NAGK: variants seen among roughly 807,000 people sequenced by gnomAD.
The protein encoded by NAGK is N-acetylglucosamine kinase.
A neutral mutation model predicts 42.9 loss-of-function variants in NAGK; 35 were observed. The observed-to-expected ratio is 0.82, with a 90% CI of 0.62 to 1.08. NAGK has a LOEUF of 1.08. Among genes scored for constraint, NAGK ranks in the 50% least tolerant of loss-of-function variants. The pLI is 0.00. For synonymous variants in NAGK, 172 were observed against 176.0 expected, an observed-to-expected ratio of 0.98 and a Z score of 0.18; for missense variants, 446 against 446.0, an observed-to-expected ratio of 1.00 and a Z score of 0.00.
chr2:71,073,744 G>A (rs1028150575), intron 6 of NAGK, 150 bp downstream of exon 6: 1 of 723,270 alleles, frequency 1.4e-6, no homozygotes, highest in African/African-American at 1.7e-5. Context: ...CATAGGTGAG[G>A]ACAGGGTGCA....
In NAGK at chr2:71,077,656, G is replaced by C; in HGVS notation, c.844+20G>C. 1 of 1,592,058 alleles carries C rather than the reference G, an allele frequency of 6.3e-7. No homozygotes were observed. On this transcript the variant is annotated intron_variant, in intron 9 of 9. Coordinates refer to ENST00000244204, the MANE Select transcript of NAGK (RefSeq NM_017567.6). The stretch of plus-strand genomic sequence containing the variant: ...AGGAAGGTGAGCCTGGGGGGAGGCT[G>C]GAAGGGCAAGGGCAGGGGACGGGGC...
At chr2:71,068,504 G>A, upstream of NAGK, 1 of 1,431,976 alleles carries the variant, frequency 7.0e-7, no homozygotes, top group Non-Finnish European at 9.1e-7. Flanking sequence ...CAGCCTGAGG[G>A]ACGCAGCCAT....
chr2:71,073,753 C>T lies in NAGK; in HGVS notation c.579+159C>T, dbSNP rs72903531. Among the ~76,000 whole-genome samples, 171 of 152,124 alleles carry T rather than the reference C, an allele frequency of 1.1e-3. 1 individual carries two copies. Among genetic ancestry groups the T allele is most frequent in the African/African-American group, 4.0e-3 (165 of 41,486 alleles). On this transcript the variant is annotated intron_variant, in intron 6 of 9. Coordinates refer to ENST00000244204, the MANE Select transcript of NAGK (RefSeq NM_017567.6). ...TGAAGTCATAGGTGAGGACAGGGTG[C>T]ATTCTAGGAGGTGCATTCTAGGACA...
At chr2:71,068,538 C>A, upstream of NAGK, 1 of 1,470,344 alleles carries the variant, frequency 6.8e-7, no homozygotes, top group Non-Finnish European at 9.0e-7. Context: ...CGGCGCCCCG[C>A]CCCGCGCATG....
At chr2:71,072,332 G>A (rs536020855) in intron 4 of NAGK, 37 of 402,400 alleles carry the variant, frequency 9.2e-5, no homozygotes, top group South Asian at 6.1e-4. Flanking sequence ...AACGGGTCTA[G>A]CACAATCCCA....
Position 71,075,654 on chromosome 2 carries a change from G to A in NAGK, c.667+12G>A. The A allele has an allele frequency of 1.9e-6, 3 of 1,605,284 alleles. No individual in the cohort carries two copies. The highest frequency in any genetic ancestry group is 1.1e-5 in the South Asian group (1 of 90,868). ...GAAAATTGCAGAAGGTACTGGAGGT[G>A]GGGGGTGGGTTTTATCTGGCTTTGT... On this transcript the variant is annotated intron_variant, in intron 7 of 9. Transcript: ENST00000244204.
chr2:71,076,405 T>C (rs1672211464), intron 7 of NAGK, 199 bp from the exon 8 acceptor site: 3 of 530,434 alleles, frequency 5.7e-6, no homozygotes, highest in African/African-American at 1.9e-5. Context: ...AGGGCACCCC[T>C]CTACAGAGGG....
At position 71,071,751 on chromosome 2, in the gene NAGK, C is replaced by A; in HGVS notation, c.279C>A (p.Asp93Glu). The A allele has an allele frequency of 6.2e-7, 1 of 1,614,156 alleles. No homozygotes were observed. Among genetic ancestry groups the A allele is most frequent in the Non-Finnish European group, 8.5e-7 (1 of 1,180,034 alleles). Residue 93 changes from aspartate to glutamate, a missense_variant, in exon 4 of 10, where the codon GAC (aspartate) becomes GAA (glutamate). By Grantham distance (45) the Asp-to-Glu change is conservative (BLOSUM62 2). Transcript: ENST00000244204. ...GGATCCTGATCGAGGAGCTGAGGGA[C>A]CGATTTCCCTACCTGAGTGAAAGCT... is the stretch of plus-strand genomic sequence containing the variant. ...AGRILIEELR[D>E]RFPYLSESYL...
intron 1 of NAGK, chr2:71,070,196 A>G (rs1671946234): frequency 6.2e-6 from 2 of 320,838 alleles, no homozygotes; most frequent in Non-Finnish European, 1.2e-5. Context: ...TGAAGGTTTA[A>G]CTAACGGAGA....
At chr2:71,075,356 A>G (rs1672168393) in intron 6 of NAGK, 199 bp from the exon 7 acceptor site, 2 of 553,268 alleles carry the variant, frequency 3.6e-6, no homozygotes, top group East Asian at 2.8e-5. Flanking sequence ...AAACTAATCT[A>G]TAAGAAATAA....
chr2:71,073,136 T>C, intron 5 of NAGK: 1 of 459,260 alleles, frequency 2.2e-6, no homozygotes, highest in Non-Finnish European at 4.0e-6. Flanking sequence ...AGGTAGTGTG[T>C]GTTTATTTTC....
chr2:71,068,544 G>A (rs1263922205), upstream of NAGK: 28 of 1,473,614 alleles, frequency 1.9e-5, no homozygotes, highest in Non-Finnish European at 2.4e-5. Flanking sequence ...CCCGCCCCGC[G>A]CATGCGCACG....
At chr2:71,068,546 A>G (rs1221487919), upstream of NAGK, 5 of 1,475,644 alleles carry the variant, frequency 3.4e-6, no homozygotes, top group Non-Finnish European at 3.6e-6. Flanking sequence ...CGCCCCGCGC[A>G]TGCGCACGCG....
At chr2:71,070,230 C>T in intron 1 of NAGK, 1 of 362,584 alleles carries the variant, frequency 2.8e-6, no homozygotes, top group South Asian at 2.5e-5. Context: ...TTGGGGTGGG[C>T]CACACCTCAG....
chr2:71,072,726 C>T lies in NAGK; in HGVS notation c.441C>T (p.Gly147=). 3 of 1,613,890 alleles carry T rather than the reference C, an allele frequency of 1.9e-6. No homozygotes were observed. Among genetic ancestry groups the T allele is most frequent in the Non-Finnish European group, 2.5e-6 (3 of 1,179,916 alleles). Residue 147 remains glycine (G), a synonymous_variant, in exon 5 of 10, where the codon GGC becomes GGT. Coordinates refer to ENST00000244204, the MANE Select transcript of NAGK (RefSeq NM_017567.6). ...CCGAGAGTGGCTGCGGCGGCTGGGGCCATATGATGGGTGATGAGGGTTCAG... is the reference window on the plus strand; with the variant it reads ...CCGAGAGTGGCTGCGGCGGCTGGGGTCATATGATGGGTGATGAGGGTTCAG... ...DGSESGCGGW[G]HMMGDEGSAY... is the part of the protein sequence containing the mutation.
intron 3 of NAGK, 185 bp downstream of exon 3, chr2:71,071,024 T>G (rs545227910): frequency 1.6e-6 from 1 of 627,672 alleles, no homozygotes; most frequent in Admixed American, 2.7e-5. Flanking sequence ...TACAAATGTG[T>G]TGGAAGAGCA....
intron 1 of NAGK, 160 bp downstream of exon 1, chr2:71,068,872 G>A: frequency 7.3e-7 from 1 of 1,369,110 alleles, no homozygotes; most frequent in Non-Finnish European, 9.4e-7. Flanking sequence ...GCCCTGGAGC[G>A]CACAGCTGTA....
chr2:71,076,832 G>A (rs1479100731), intron 8 of NAGK, 131 bp downstream of exon 8: 2 of 761,050 alleles, frequency 2.6e-6, no homozygotes, highest in Non-Finnish European at 4.2e-6. Flanking sequence ...GGTCTAAGAA[G>A]CATTCTGCAG....
chr2:71,069,031 C>T (rs998366804), intron 1 of NAGK: 1 of 1,115,388 alleles, frequency 9.0e-7, no homozygotes, highest in Non-Finnish European at 1.1e-6. Flanking sequence ...TATTCCTGAC[C>T]TCGGACAGAG....
Sources: gnomAD v4.1 joint callset for allele counts (sites outside exome capture counted in the v4.1 genomes callset) on GRCh38, gnomAD v4.1.1 for gene constraint, MANE v1.5 for transcripts, NCBI Gene and HGNC (gene_info 2026-07-23, HGNC 2026-07-21) for gene names.